Variants in KRT77 observed in about 807,000 individuals in gnomAD.
The protein encoded by KRT77 is keratin 77.
Under a neutral mutation model 51.5 loss-of-function variants are expected in KRT77, and 44 were observed. The observed-to-expected ratio is 0.85, with a 90% CI of 0.67 to 1.10. The LOEUF (loss-of-function observed/expected upper bound fraction) is 1.10, where lower values mean the gene tolerates loss of function less well. Ranked by LOEUF, KRT77 falls within the 50% of genes least tolerant of loss-of-function variation. The pLI is 0.00. For synonymous variants in KRT77, 293 were observed against 302.0 expected (o/e 0.97, Z 0.31); for missense variants, 763 against 743.9 (o/e 1.03, Z -0.30).
intron 2 of KRT77, 93 bp downstream of exon 2, chr12:52,697,589 C>A: frequency 3.2e-6 from 1 of 309,528 alleles, no homozygotes; most frequent in South Asian, 3.1e-5. Flanking sequence ...CCGCCCCCCA[C>A]CCTTACACAC....
intron 1 of KRT77, 108 bp downstream of exon 1, chr12:52,702,784 T>G: frequency 2.7e-6 from 3 of 1,120,318 alleles, no homozygotes; most frequent in Non-Finnish European, 3.9e-6. Context: ...TTTTCTAAGG[T>G]CCCAGGTCAA....
At chr12:52,695,074 G>A (rs762942585) in intron 4 of KRT77, 5 of 231,084 alleles carry the variant, frequency 2.2e-5, no homozygotes, top group Admixed American at 5.3e-5. Context: ...CCACCATAGT[G>A]AGCTGGGCTC....
chr12:52,689,925 A>G lies in KRT77; in HGVS notation c.*1240T>C, dbSNP rs1941680945. ...TACATAAGATTCAAAATTAAGAGTC[A>G]TATTCTCACAAAGGGCTCACAGCTA... is the stretch of plus-strand genomic sequence containing the variant. On this transcript the variant is annotated 3_prime_UTR_variant, in exon 9 of 9. Coordinates refer to ENST00000341809, the MANE Select transcript of KRT77 (RefSeq NM_175078.3). The G allele has an allele frequency of 6.6e-6, 1 of 152,262 alleles. No individual in the cohort carries two copies. The highest frequency in any genetic ancestry group is 2.4e-5 in the African/African-American group (1 of 41,460). 9.4% of individuals were successfully genotyped at this position (152,262 alleles called of 1,614,324 possible). A position where few individuals can be genotyped will look rare whatever the true frequency, so the allele number is the denominator to read the frequency against.
In KRT77 at chr12:52,691,057, G is replaced by C; in HGVS notation, c.*108C>G. 6.6e-7 allele frequency: 1 copy of C among 1,519,136 alleles called. No homozygotes were observed. The highest frequency in any genetic ancestry group is 9.0e-7 in the Non-Finnish European group (1 of 1,108,762). The allele number at this position is 1,519,136 out of a possible 1,614,324, so 94.1% of individuals were successfully genotyped here. A position where few individuals can be genotyped will look rare whatever the true frequency, so the allele number is the denominator to read the frequency against. ...TCGAATTTATTGGCAAAATTGCTGA[G>C]ACCCATTAAGAAAAGTGAATGAGAG... On this transcript the variant is annotated 3_prime_UTR_variant, in exon 9 of 9. Transcript: ENST00000341809.
chr12:52,694,539 AAATAAGAGAAAGACAATGC>A (rs1470339181), intron 5 of KRT77, 68 bp downstream of exon 5: 27 of 1,277,300 alleles, frequency 2.1e-5, no homozygotes, highest in Non-Finnish European at 2.7e-5. Flanking sequence ...TTTACTTCAG[AAATAAGAGAAAGACAATGC>A]AATAAGAGAA....
At chr12:52,700,545 C>A (rs582143) in intron 1 of KRT77, among the ~76,000 whole-genome samples, 7,441 of 151,976 alleles carry the variant, frequency 0.049, 244 homozygotes, top group South Asian at 0.099. Flanking sequence ...GCCTTGGATG[C>A]TGGTGAGCAA....
Position 52,703,088 on chromosome 12 carries a change from C to A in KRT77, c.347G>T (p.Gly116Val). ...GFGGGGFGGA[G>V]FGTSNFGLGG... ...AAGCCCAAAATTGCTAGTCCCAAAT[C>A]CAGCACCCCCAAAACCACCTCCTCC... is the stretch of plus-strand genomic sequence containing the variant. The change falls in exon 1 of 9, where the codon GGA becomes GTA. Residue 116 changes from glycine to valine, a missense_variant. Transcript: ENST00000341809. The A allele has an allele frequency of 6.2e-7, 1 of 1,613,762 alleles. No individual in the cohort carries two copies. The highest frequency in any genetic ancestry group is 1.1e-5 in the South Asian group (1 of 91,050).
intron 1 of KRT77, among the ~76,000 whole-genome samples, chr12:52,700,844 T>C (rs1471773796): frequency 6.6e-6 from 1 of 152,128 alleles, no homozygotes; most frequent in Non-Finnish European, 1.5e-5. Context: ...CGTGACATGC[T>C]TTTAAAGGAT....
Position 52,691,134 on chromosome 12 carries a change from G to A in KRT77, c.*31C>T. On this transcript the variant is annotated 3_prime_UTR_variant, in exon 9 of 9. Transcript: ENST00000341809. ...GAGTTTGAGGAGAGGGCGGTGAGGG[G>A]CAGGCGTGATGTGTGGCAGAAACGA... 1 of 1,613,748 alleles carries A rather than the reference G, an allele frequency of 6.2e-7. No individual in the cohort carries two copies. The highest frequency in any genetic ancestry group is 8.5e-7 in the Non-Finnish European group (1 of 1,179,828).
chr12:52,697,943 G>C (rs1941824810), intron 1 of KRT77, 47 bp from the exon 2 acceptor site: 2 of 1,572,476 alleles, frequency 1.3e-6, no homozygotes, highest in Non-Finnish European at 1.7e-6. Context: ...GATCAGAGCA[G>C]CTCCCCCATA....
intron 5 of KRT77, among the ~76,000 whole-genome samples, chr12:52,693,356 T>A (rs186709593): frequency 2.2e-4 from 33 of 150,770 alleles, no homozygotes; most frequent in African/African-American, 7.5e-4. Context: ...TCTGTTTCTG[T>A]CTCTGTATTG....
In KRT77 at chr12:52,691,531, C is replaced by T. The variant is rs926427480; in HGVS notation, c.1463-92G>A. 12 of 1,408,690 alleles carry T rather than the reference C, an allele frequency of 8.5e-6. No homozygotes were observed. In the African/African-American group the frequency reaches 1.0e-4, roughly 12 times the overall value. The allele number at this position is 1,408,690 out of a possible 1,614,324, so 87.3% of individuals were successfully genotyped here. A position where few individuals can be genotyped will look rare whatever the true frequency, so the allele number is the denominator to read the frequency against. ...CTGCACCTGCAGCCTCCTCCATCCT[C>T]GATCACCCGTGGCATCGACTTGCAA... On this transcript the variant is annotated intron_variant, in intron 8 of 8. Transcript: ENST00000341809.
intron 2 of KRT77, 84 bp downstream of exon 2, chr12:52,697,598 A>C: frequency 2.6e-6 from 1 of 385,734 alleles, no homozygotes; most frequent in South Asian, 2.0e-5. Flanking sequence ...ACCCTTACAC[A>C]CAAACACTGA....
rs779421230 is a variant in KRT77, at chr12:52,702,974, T to C, written c.461A>G (p.Asp154Gly). The change falls in exon 1 of 9, where the codon GAC becomes GGC. Residue 154 changes from aspartate to glycine, a missense_variant. Asp to Gly is a moderately conservative substitution (Grantham distance 94). Transcript: ENST00000341809. ...SLLEPLHLEV[D>G]PEIQRIKTQE... ...GGTCTTGATCCTCTGAATTTCAGGG[T>C]CCACCTCCAGGTGAAGTGGCTCTAG... 14 of 1,613,884 alleles carry C rather than the reference T, an allele frequency of 8.7e-6. No individual in the cohort carries two copies. In the African/African-American group the frequency reaches 1.6e-4, roughly 18 times the overall value.
chr12:52,702,554 T>TGTGTGTGTGTGTGTGTGTG (rs1565655562), intron 1 of KRT77, among the ~76,000 whole-genome samples: 1 of 62,228 alleles, frequency 1.6e-5, no homozygotes, highest in East Asian at 3.5e-4. Context: ...GTGTGTGTGT[T>TGTGTGTGTGTGTGTGTGTG]TGTGTGTGTG....
chr12:52,691,060 CCATTAAGAAAAGTGAATGAGAGGG>C lies in KRT77; in HGVS notation c.*81_*104del. 6.5e-7 allele frequency: 1 copy of C among 1,533,782 alleles called. No homozygotes were observed. The highest frequency in any genetic ancestry group is 8.9e-7 in the Non-Finnish European group (1 of 1,120,806). ...AATTTATTGGCAAAATTGCTGAGACCCATTAAGAAAAGTGAATGAGAGGGGATCAGGAAGGGCGTGGAGGGGAGG... is the reference window on the plus strand; with the variant it reads ...AATTTATTGGCAAAATTGCTGAGACCGATCAGGAAGGGCGTGGAGGGGAGG... On this transcript the variant is annotated 3_prime_UTR_variant, in exon 9 of 9. Transcript: ENST00000341809.
intron 1 of KRT77, 21 bp from the exon 2 acceptor site, chr12:52,697,917 T>G: frequency 1.2e-6 from 2 of 1,608,500 alleles, no homozygotes; most frequent in Non-Finnish European, 1.7e-6. Flanking sequence ...GAGACCCCAG[T>G]CCACCCCAGG....
chr12:52,692,068 T>A, intron 7 of KRT77, 96 bp from the exon 8 acceptor site: 1 of 1,340,164 alleles, frequency 7.5e-7, no homozygotes, highest in Non-Finnish European at 1.1e-6. Context: ...TCCCCAAGCC[T>A]TAGGGAAATG....
rs778860938 is a variant in KRT77 at position 52,691,262 on chromosome 12, C to T, written c.1640G>A (p.Gly547Glu). 1 of 1,602,984 alleles carries T rather than the reference C, an allele frequency of 6.2e-7. No homozygotes were observed. Among genetic ancestry groups the T allele is most frequent in the African/African-American group, 1.3e-5 (1 of 74,660 alleles). Reference sequence around the variant, plus strand: ...GCTTCTGCCGCTCCCTCCGTAGCTCCCGCCACCGCCGCCGCAGCCGCTGCC... The same window carrying T: ...GCTTCTGCCGCTCCCTCCGTAGCTCTCGCCACCGCCGCCGCAGCCGCTGCC... ...GYGSGCGGGG[G>E]SYGGSGRSGR... is the part of the protein sequence containing the mutation. The change falls in exon 9 of 9, where the codon GGG (glycine) becomes GAG (glutamate). Residue 547 changes from glycine to glutamate, a missense_variant. Transcript: ENST00000341809.
Sources: gnomAD v4.1 joint callset for allele counts (sites outside exome capture counted in the v4.1 genomes callset) on GRCh38, gnomAD v4.1.1 for gene constraint, MANE v1.5 for transcripts, NCBI Gene and HGNC (gene_info 2026-07-23, HGNC 2026-07-21) for gene names.